The following IQCH variants were observed in gnomAD, a reference collection of about 807,000 sequenced individuals.
The protein encoded by IQCH is IQ motif containing H.
A neutral mutation model predicts 117.0 loss-of-function variants in IQCH; 98 were observed. The observed-to-expected ratio is 0.84, with a 90% CI of 0.71 to 0.99. The LOEUF is 0.99. Ranked by LOEUF, IQCH falls within the 50% of genes least tolerant of loss-of-function variation. IQCH has a pLI of 0.00. For missense variants in IQCH, 1,102 were observed against 1,243.8 expected, an observed-to-expected ratio of 0.89 and a Z score of 1.72; for synonymous variants, 412 against 448.2, an observed-to-expected ratio of 0.92 and a Z score of 1.02.
chr15:67,308,683 G>T (rs557238801), intron 4 of IQCH, among the ~76,000 whole-genome samples: 1 of 152,088 alleles, frequency 6.6e-6, no homozygotes, highest in African/African-American at 2.4e-5. Flanking sequence ...CAGTGAAGGT[G>T]GTGGTGGTGG....
chr15:67,421,385 G>C lies in IQCH; in HGVS notation c.2313G>C (p.Ser771=), dbSNP rs766691799. 3.7e-6 allele frequency: 6 copies of C among 1,614,060 alleles called. No individual in the cohort carries two copies. The highest frequency in any genetic ancestry group is 3.3e-5 in the South Asian group (3 of 91,090). ...IEPNGKISVL[S]TGDQLHAESP... ...CCAACGGGAAAATCAGCGTGCTGTC[G>C]ACAGGGGACCAGCTTCATGCTGAAA... Residue 771 remains serine, a synonymous_variant, in exon 16 of 21, where the codon TCG becomes TCC. Coordinates refer to ENST00000335894, the MANE Select transcript of IQCH (RefSeq NM_001031715.3).
In IQCH at chr15:67,500,946, TTTGTG is replaced by T. The variant is rs1370653450; in HGVS notation, c.*203_*207del. 1 of 365,852 alleles carries T rather than the reference TTTGTG, an allele frequency of 2.7e-6. No individual in the cohort carries two copies. The highest frequency in any genetic ancestry group is 5.0e-6 in the Non-Finnish European group (1 of 199,090). 22.7% of individuals were successfully genotyped at this position (365,852 alleles called of 1,614,324 possible). A position where few individuals can be genotyped will look rare whatever the true frequency, so the allele number is the denominator to read the frequency against. On this transcript the variant is annotated 3_prime_UTR_variant, in exon 21 of 21. Coordinates refer to ENST00000335894, the MANE Select transcript of IQCH (RefSeq NM_001031715.3). This position sits in a 1 kb window ranked among gnomAD's most constrained non-coding sequence, Gnocchi z 4.4. Reference sequence around the variant, plus strand: ...ATTTTATTTATTAAACCAAAACTTATTTGTGTTTTCATTTGAGAGTGTTGAACAAT... The same window carrying T: ...ATTTTATTTATTAAACCAAAACTTATTTTTCATTTGAGAGTGTTGAACAAT...
In IQCH at chr15:67,373,490, G is replaced by C. The variant is rs921946618; in HGVS notation, c.1372+57G>C. 6.1e-6 allele frequency: 7 copies of C among 1,145,180 alleles called. No homozygotes were observed. In the South Asian group the frequency reaches 6.1e-5, roughly 10 times the overall value. 70.9% of individuals were successfully genotyped at this position (1,145,180 alleles called of 1,614,324 possible). A position where few individuals can be genotyped will look rare whatever the true frequency, so the allele number is the denominator to read the frequency against. On this transcript the variant is annotated intron_variant, in intron 10 of 20. Transcript: ENST00000335894. ...AACCTCTATTACCCACCACATTATG[G>C]CTCCTTGATTGAGTTCAAGGAAGGC...
intron 15 of IQCH, chr15:67,421,088 A>G (rs944688583): frequency 1.7e-5 from 10 of 590,314 alleles, no homozygotes; most frequent in African/African-American, 7.4e-5. Context: ...GCTGAATACT[A>G]TAGATAGATA....
At chr15:67,461,148 G>A (rs1241888507) in intron 16 of IQCH, among the ~76,000 whole-genome samples, 2 of 152,128 alleles carry the variant, frequency 1.3e-5, no homozygotes, top group Admixed American at 6.6e-5. Context: ...GGTCGAGGTG[G>A]GTGGATCACT....
At chr15:67,294,397 A>T (rs1364134253) in intron 4 of IQCH, among the ~76,000 whole-genome samples, 1 of 152,190 alleles carries the variant, frequency 6.6e-6, no homozygotes, top group East Asian at 1.9e-4. Flanking sequence ...AAGGAATAAG[A>T]TTCCTCATTT....
chr15:67,418,953 A>G (rs1436305869), intron 15 of IQCH, among the ~76,000 whole-genome samples: 1 of 151,914 alleles, frequency 6.6e-6, no homozygotes, highest in African/African-American at 2.4e-5. Context: ...GTCATTAGGA[A>G]ATTTCCAGAT....
chr15:67,321,777 T>C (rs1038412928), intron 4 of IQCH, among the ~76,000 whole-genome samples: 1 of 152,186 alleles, frequency 6.6e-6, no homozygotes, highest in East Asian at 1.9e-4. Context: ...CACTCACACT[T>C]GGAAACTTTT....
chr15:67,444,186 T>A (rs2082343241), intron 16 of IQCH, among the ~76,000 whole-genome samples: 1 of 152,196 alleles, frequency 6.6e-6, no homozygotes, highest in African/African-American at 2.4e-5. Flanking sequence ...AAAACACATC[T>A]CCTATTTTTT....
In IQCH at chr15:67,384,135, A is replaced by G. The variant is rs867374583; in HGVS notation, c.1373-801A>G. 2.2e-4 allele frequency among the ~76,000 whole-genome samples: 33 copies of G among 152,314 alleles called. No homozygotes were observed. The highest frequency in any genetic ancestry group is 3.4e-3 in the Middle Eastern group (1 of 294). ...AAAAGCAATTTTAATGAAGAAAAAA[A>G]AAGTTACACCTACAGTTGTTGAATT... On this transcript the variant is annotated intron_variant, in intron 10 of 20. Coordinates refer to ENST00000335894, the MANE Select transcript of IQCH (RefSeq NM_001031715.3). The surrounding 1 kb of genome is among the most constrained non-coding windows in gnomAD (Gnocchi z 4.3).
At chr15:67,319,573 G>A (rs1056253812) in intron 4 of IQCH, among the ~76,000 whole-genome samples, 2 of 152,142 alleles carry the variant, frequency 1.3e-5, no homozygotes. Flanking sequence ...ACTGTTTTCT[G>A]TACTGATTGT....
In IQCH at chr15:67,433,409, T is replaced by A. The variant is rs948771972; in HGVS notation, c.2505+11832T>A. 6.6e-6 allele frequency among the ~76,000 whole-genome samples: 1 copy of A among 152,208 alleles called. No homozygotes were observed. The highest frequency in any genetic ancestry group is 2.4e-5 in the African/African-American group (1 of 41,452). ...ACCATTTGTGACTGTCCTTAAATGT[T>A]TGGTTAACCCCCCTTACACTGTAAA... On this transcript the variant is annotated intron_variant, in intron 16 of 20. Transcript: ENST00000335894. The surrounding 1 kb of genome is among the most constrained non-coding windows in gnomAD (Gnocchi z 5.4).
At chr15:67,293,061 A>G (rs1475673624) in intron 4 of IQCH, among the ~76,000 whole-genome samples, 4 of 152,198 alleles carry the variant, frequency 2.6e-5, no homozygotes, top group Non-Finnish European at 4.4e-5. Flanking sequence ...CTTACTAGCT[A>G]TACTTGGGCA....
chr15:67,341,907 CT>C (rs746449795), intron 5 of IQCH, among the ~76,000 whole-genome samples: 3 of 152,080 alleles, frequency 2.0e-5, no homozygotes, highest in Non-Finnish European at 4.4e-5. Flanking sequence ...TAGTGACATT[CT>C]TATCAGATTT....
chr15:67,489,503 G>T (rs1048700359), intron 18 of IQCH, among the ~76,000 whole-genome samples: 22 of 14,388 alleles, frequency 1.5e-3, no homozygotes, highest in Middle Eastern at 0.056. Flanking sequence ...CACCATGTTG[G>T]CCAGGCTGGC....
At chr15:67,382,510 A>T (rs899518317) in intron 10 of IQCH, among the ~76,000 whole-genome samples, 66 of 152,242 alleles carry the variant, frequency 4.3e-4, no homozygotes, top group Non-Finnish European at 7.2e-4. Flanking sequence ...AAGGGCCATT[A>T]TTCTGCCTAC....
intron 14 of IQCH, among the ~76,000 whole-genome samples, chr15:67,409,710 A>G (rs965385309): frequency 2.0e-5 from 3 of 152,232 alleles, no homozygotes; most frequent in African/African-American, 7.2e-5. Flanking sequence ...GCCATTAGCT[A>G]TCGAGGGAAA....
intron 8 of IQCH, among the ~76,000 whole-genome samples, chr15:67,361,997 C>A (rs985968415): frequency 2.0e-5 from 3 of 151,932 alleles, no homozygotes; most frequent in African/African-American, 4.8e-5. Context: ...ATAAAACAAG[C>A]AAACAAACAA....
chr15:67,315,900 C>T (rs921712351), intron 4 of IQCH, among the ~76,000 whole-genome samples: 3 of 152,042 alleles, frequency 2.0e-5, no homozygotes, highest in African/African-American at 7.3e-5. Context: ...ATTATACTAT[C>T]CAGAGGATGA....
Sources: allele counts gnomAD v4.1 joint callset (sites outside exome capture counted in the v4.1 genomes callset), GRCh38; gene constraint gnomAD v4.1.1; non-coding constraint Gnocchi (gnomAD v3.1); transcripts MANE v1.5; gene names NCBI Gene and HGNC (gene_info 2026-07-23, HGNC 2026-07-21).